The following TYW1B variants were observed in gnomAD, a reference collection of about 807,000 sequenced individuals.
TYW1B encodes S-adenosyl-L-methionine-dependent tRNA 4-demethylwyosine synthase TYW1B.
TYW1B carries 73 observed loss-of-function variants against 86.9 expected under a neutral mutation model. The ratio of observed to expected loss-of-function variants is 0.84; its 90% CI spans 0.70 to 1.02. The LOEUF is 1.02. TYW1B is among the 50% of genes least tolerant of loss of function. The pLI is 0.00. For missense variants in TYW1B, 637 were observed against 827.4 expected (o/e 0.77, Z 2.82); for synonymous variants, 248 against 292.8 (o/e 0.85, Z 1.56).
chr7:72,601,765 G>A (rs1811673604), intron 13 of TYW1B, among the ~76,000 whole-genome samples: 1 of 146,676 alleles, frequency 6.8e-6, no homozygotes, highest in African/African-American at 2.5e-5. Context: ...AAAAAAAAAG[G>A]TTAAAAAAAA....
Position 72,673,792 on chromosome 7 carries a change from A to G in TYW1B, c.1506+20895T>C, listed in dbSNP as rs200820619. Among the ~76,000 whole-genome samples, 1,461 of 148,230 alleles carry G rather than the reference A, an allele frequency of 9.9e-3. 15 individuals are homozygous for G. The highest frequency in any genetic ancestry group is 0.031 in the African/African-American group (1,277 of 41,096). ...GTAACACAAAGGATAAATGCTGGAG[A>G]GGATAGATACCACATTTTCTATCAC... is the stretch of plus-strand genomic sequence containing the variant. On this transcript the variant is annotated intron_variant, in intron 11 of 13. Transcript: ENST00000620995.
intron 5 of TYW1B, among the ~76,000 whole-genome samples, chr7:72,805,742 T>G (rs782577416): frequency 2.6e-5 from 4 of 152,050 alleles, no homozygotes; most frequent in Non-Finnish European, 5.9e-5. Flanking sequence ...AAATGGTTGC[T>G]GGAGGTGTGA....
At chr7:72,675,748 C>G (rs1301250339) in intron 11 of TYW1B, among the ~76,000 whole-genome samples, 1 of 151,794 alleles carries the variant, frequency 6.6e-6, no homozygotes, top group East Asian at 1.9e-4. Context: ...TGATTAAATA[C>G]AAAACAATTT....
chr7:72,581,721 CA>C (rs1186517969), intron 13 of TYW1B, among the ~76,000 whole-genome samples: 1 of 151,774 alleles, frequency 6.6e-6, no homozygotes, highest in East Asian at 1.9e-4. Context: ...CAATGACCAT[CA>C]GCCACCTCAG....
intron 8 of TYW1B, among the ~76,000 whole-genome samples, chr7:72,734,710 A>G (rs1488744294): frequency 6.6e-6 from 1 of 152,242 alleles, no homozygotes; most frequent in Non-Finnish European, 1.5e-5. Flanking sequence ...CCATTCATCA[A>G]ACAAGGGATT....
chr7:72,649,219 A>C (rs187926047), intron 11 of TYW1B, among the ~76,000 whole-genome samples: 296 of 152,316 alleles, frequency 1.9e-3, no homozygotes, highest in Non-Finnish European at 3.4e-3. Context: ...AAATGTAAAG[A>C]GCTGAAGACA....
At chr7:72,767,646 T>G (rs1787794829) in intron 7 of TYW1B, among the ~76,000 whole-genome samples, 1 of 151,900 alleles carries the variant, frequency 6.6e-6, no homozygotes, top group Non-Finnish European at 1.5e-5. Flanking sequence ...TAAAAAAAAC[T>G]TTGTCTTCAT....
chr7:72,691,938 G>A (rs113227160), intron 11 of TYW1B, among the ~76,000 whole-genome samples: 2,211 of 152,210 alleles, frequency 0.015, 67 homozygotes, highest in African/African-American at 0.05. Flanking sequence ...GGGTGCAGTG[G>A]CTCACACCTG....
At chr7:72,778,132 C>A (rs538342026) in intron 6 of TYW1B, among the ~76,000 whole-genome samples, 68 of 152,112 alleles carry the variant, frequency 4.5e-4, no homozygotes, top group Non-Finnish European at 8.4e-4. Context: ...AAGTGTCAAA[C>A]ATTTTCAGCA....
intron 7 of TYW1B, among the ~76,000 whole-genome samples, chr7:72,768,615 G>C (rs1298960586): frequency 2.6e-5 from 4 of 151,950 alleles, no homozygotes; most frequent in Admixed American, 2.6e-4. Flanking sequence ...GTGAAACCCC[G>C]TCTCTACTAA....
chr7:72,614,282 G>A (rs1372678649), intron 13 of TYW1B, among the ~76,000 whole-genome samples: 2 of 152,146 alleles, frequency 1.3e-5, no homozygotes, highest in African/African-American at 4.8e-5. Flanking sequence ...CTCCTTACTG[G>A]CTGTTTCATC....
chr7:72,669,974 A>ATAC (rs1813557155), intron 11 of TYW1B, among the ~76,000 whole-genome samples: 3 of 123,010 alleles, frequency 2.4e-5, no homozygotes, highest in African/African-American at 8.2e-5. Context: ...TAAATAAATA[A>ATAC]ATAAAGATTA....
chr7:72,806,630 C>A (rs1303342380), intron 5 of TYW1B, among the ~76,000 whole-genome samples: 1 of 151,834 alleles, frequency 6.6e-6, no homozygotes, highest in Admixed American at 6.6e-5. Context: ...AGTTTCACAT[C>A]TTCCTTCTTT....
chr7:72,615,887 T>C (rs1812060290), intron 13 of TYW1B, among the ~76,000 whole-genome samples: 1 of 151,634 alleles, frequency 6.6e-6, no homozygotes, highest in African/African-American at 2.4e-5. Context: ...CAATAGAAAC[T>C]ACCCAAAATG....
Position 72,694,815 on chromosome 7 carries a change from C to T in TYW1B, c.1378G>A (p.Glu460Lys). The T allele has an allele frequency of 3.2e-6, 5 of 1,582,608 alleles. No homozygotes were observed. Among genetic ancestry groups the T allele is most frequent in the South Asian group, 1.2e-5 (1 of 84,544 alleles). The change falls in exon 11 of 14, where the codon GAG becomes AAG. Residue 460 changes from glutamate to lysine, a missense_variant. By Grantham distance (56) the Glu-to-Lys change is moderately conservative. Transcript: ENST00000620995. Reference sequence around the variant, plus strand: ...CTGACATACAGCTGAGTAACTGGCTCGAGGTTCCTTAGTAATTTTTTTTTT... The same window carrying T: ...CTGACATACAGCTGAGTAACTGGCTTGAGGTTCCTTAGTAATTTTTTTTTT... ...AQFPAEIRNLEPVTQLYVSVD... is the reference protein window; with the variant it reads ...AQFPAEIRNLKPVTQLYVSVD...
At chr7:72,785,463 A>T (rs1788113043) in intron 6 of TYW1B, among the ~76,000 whole-genome samples, 1 of 148,868 alleles carries the variant, frequency 6.7e-6, no homozygotes, top group Non-Finnish European at 1.5e-5. Flanking sequence ...CTATTATTTT[A>T]TAAAAAATAT....
chr7:72,656,328 T>C (rs1216722839), intron 11 of TYW1B, among the ~76,000 whole-genome samples: 3 of 152,106 alleles, frequency 2.0e-5, no homozygotes, highest in South Asian at 2.1e-4. Flanking sequence ...TGAAAGCTAA[T>C]CCATAAAATT....
intron 11 of TYW1B, among the ~76,000 whole-genome samples, chr7:72,687,005 T>A (rs113401654): frequency 8.5e-5 from 13 of 152,248 alleles, no homozygotes; most frequent in African/African-American, 2.9e-4. Flanking sequence ...TAAGAAACTA[T>A]CTTCATGACC....
At chr7:72,688,993 A>AT (rs1814075189) in intron 11 of TYW1B, among the ~76,000 whole-genome samples, 1 of 152,210 alleles carries the variant, frequency 6.6e-6, no homozygotes, top group Non-Finnish European at 1.5e-5. Context: ...TAAGCAGAGC[A>AT]GGGTAAAATG....
Sources: gnomAD v4.1 joint callset for allele counts (sites outside exome capture counted in the v4.1 genomes callset) on GRCh38, gnomAD v4.1.1 for gene constraint, MANE v1.5 for transcripts, NCBI Gene and HGNC (gene_info 2026-07-23, HGNC 2026-07-21) for gene names.